CADPS: variants seen among roughly 807,000 people sequenced by gnomAD.
CADPS encodes calcium-dependent secretion activator 1.
In CADPS, 57 loss-of-function variants were observed where a neutral mutation model predicts 167.3. That is an observed-to-expected ratio of 0.34 (90% confidence interval 0.28 to 0.42). CADPS has a LOEUF of 0.42. Ranked by LOEUF, CADPS falls within the 20% of genes least tolerant of loss-of-function variation. The pLI is 1.00. For missense variants in CADPS, 1,414 were observed against 1,738.1 expected (o/e 0.81, Z 3.32); for synonymous variants, 676 against 635.3 (o/e 1.06, Z -0.96).
intron 3 of CADPS, among the ~76,000 whole-genome samples, chr3:62,712,834 T>C (rs1369084880): frequency 6.6e-6 from 1 of 152,218 alleles, no homozygotes; most frequent in African/African-American, 2.4e-5. Context: ...TCATAAATTG[T>C]GCTCTAGGGC....
At chr3:62,716,428 A>G (rs532462451) in intron 3 of CADPS, among the ~76,000 whole-genome samples, 1 of 152,346 alleles carries the variant, frequency 6.6e-6, no homozygotes, top group Admixed American at 6.5e-5. Context: ...TAGGGTTCAG[A>G]CCTAAATGAT....
intron 24 of CADPS, chr3:62,469,636 T>TAA (rs2060347091): frequency 6.4e-6 from 1 of 155,806 alleles, no homozygotes; most frequent in East Asian, 1.9e-4. Flanking sequence ...GCCTCCCGAG[T>TAA]AGCTAGGACT....
chr3:62,787,706 G>C (rs1000836022), intron 1 of CADPS, among the ~76,000 whole-genome samples: 11 of 152,194 alleles, frequency 7.2e-5, no homozygotes, highest in African/African-American at 2.7e-4. Context: ...GCTTAAGTTT[G>C]AATTTTGAAT....
chr3:62,639,902 G>A (rs1485699572), intron 6 of CADPS, among the ~76,000 whole-genome samples: 6 of 152,050 alleles, frequency 3.9e-5, no homozygotes, highest in Non-Finnish European at 5.9e-5. Context: ...CCTTGCACTT[G>A]CTGTTTCCTC....
At chr3:62,801,238 A>G (rs532606956) in intron 1 of CADPS, among the ~76,000 whole-genome samples, 2 of 152,214 alleles carry the variant, frequency 1.3e-5, no homozygotes, top group Non-Finnish European at 2.9e-5. Flanking sequence ...CATAAATGCC[A>G]TTGATGCAAG....
At chr3:62,628,249 G>A (rs566848556) in intron 6 of CADPS, among the ~76,000 whole-genome samples, 1 of 152,252 alleles carries the variant, frequency 6.6e-6, no homozygotes, top group South Asian at 2.1e-4. Context: ...ACTGGCTGGG[G>A]GCCTTGACAC....
chr3:62,684,966 A>G (rs2077741337), intron 3 of CADPS, among the ~76,000 whole-genome samples: 1 of 152,102 alleles, frequency 6.6e-6, no homozygotes, highest in African/African-American at 2.4e-5. Flanking sequence ...ATGGCAGGTT[A>G]AGATTATGCA....
chr3:62,521,190 G>A (rs149754678), intron 13 of CADPS, among the ~76,000 whole-genome samples: 8 of 152,202 alleles, frequency 5.3e-5, no homozygotes, highest in South Asian at 4.1e-4. Flanking sequence ...CTGCTGGTTC[G>A]AGGACCACAC....
rs55665003 is a variant in CADPS, at chr3:62,648,691, C to CAA, written c.1203+2154_1203+2155dup. The stretch of plus-strand genomic sequence containing the variant: ...TGGGCAACAGAGTGAGACGTTGTGT[C>CAA]AAAAAAAAAAAAAAGAGGAAAGAAA... On this transcript the variant is annotated intron_variant, in intron 5 of 29. Transcript: ENST00000383710. Among the ~76,000 whole-genome samples the CAA allele has an allele frequency of 3.7e-4, 20 of 54,552 alleles. 5 individuals are homozygous for CAA. The highest frequency in any genetic ancestry group is 6.8e-4 in the South Asian group (1 of 1,470). The allele number at this position is 54,552 out of a possible 152,430, so 35.8% of individuals were successfully genotyped here. A position where few individuals can be genotyped will look rare whatever the true frequency, so the allele number is the denominator to read the frequency against.
At position 62,474,260 on chromosome 3, in the gene CADPS, G is replaced by A. The variant is rs754709322; in HGVS notation, c.3390C>T (p.Val1130=). The A allele has an allele frequency of 9.3e-6, 15 of 1,608,324 alleles. No individual in the cohort carries two copies. The highest frequency in any genetic ancestry group is 1.4e-5 in the African/African-American group (1 of 73,300). ...QKTSRSTDFR[V]PQSICTMFNV... is the part of the protein sequence containing the mutation. Reference sequence around the variant, plus strand: ...TAAACATGGTGCATATTGACTGTGGGACTCGAAAATCTGTTGATCGACTGG... The same window carrying A: ...TAAACATGGTGCATATTGACTGTGGAACTCGAAAATCTGTTGATCGACTGG... The change falls in exon 24 of 30, where the codon GTC becomes GTT. Residue 1130 remains valine (V), a synonymous_variant. Coordinates refer to ENST00000383710, the MANE Select transcript of CADPS (RefSeq NM_003716.4).
chr3:62,540,831 C>A (rs2075568125), intron 11 of CADPS, among the ~76,000 whole-genome samples: 6 of 152,102 alleles, frequency 3.9e-5, no homozygotes, highest in Admixed American at 3.3e-4. Context: ...ATGCTCCTTG[C>A]AACTCCATTT....
intron 1 of CADPS, among the ~76,000 whole-genome samples, chr3:62,850,809 G>T (rs184671401): frequency 0.19 from 29,196 of 150,256 alleles, 3,158 homozygotes; most frequent in Middle Eastern, 0.35. Flanking sequence ...GCAGAGCTGA[G>T]TTCAATTCCT....
chr3:62,777,805 C>T (rs1010315945), intron 1 of CADPS, among the ~76,000 whole-genome samples: 1 of 152,118 alleles, frequency 6.6e-6, no homozygotes, highest in Non-Finnish European at 1.5e-5. Context: ...ATGATGCAGG[C>T]CTAAGCATGC....
intron 3 of CADPS, among the ~76,000 whole-genome samples, chr3:62,746,022 A>T (rs1026010643): frequency 1.3e-5 from 2 of 152,222 alleles, no homozygotes; most frequent in African/African-American, 4.8e-5. Flanking sequence ...CATTTTAGGC[A>T]GAATGGTAAG....
chr3:62,488,716 C>T (rs1449466103), intron 21 of CADPS, among the ~76,000 whole-genome samples: 2 of 152,054 alleles, frequency 1.3e-5, no homozygotes, highest in Non-Finnish European at 2.9e-5. Flanking sequence ...TCTTGAACTC[C>T]TGGCCTCAGG....
At chr3:62,731,819 A>T (rs1162794206) in intron 3 of CADPS, among the ~76,000 whole-genome samples, 1 of 87,710 alleles carries the variant, frequency 1.1e-5, no homozygotes, top group African/African-American at 8.2e-5. Context: ...AAAAAAAAAA[A>T]AAAAAAAAAA....
chr3:62,785,455 TTTG>T (rs2092327268), intron 1 of CADPS, among the ~76,000 whole-genome samples: 3 of 152,276 alleles, frequency 2.0e-5, no homozygotes, highest in South Asian at 4.1e-4. Context: ...ATCCATCGTT[TTTG>T]TTGTTGTTGT....
rs930670072 is a variant in CADPS at position 62,601,232 on chromosome 3, C to T, written c.1326-8484G>A. Among the ~76,000 whole-genome samples, 13 of 152,194 alleles carry T rather than the reference C, an allele frequency of 8.5e-5. No homozygotes were observed. Among genetic ancestry groups the T allele is most frequent in the East Asian group, 3.9e-4 (2 of 5,168 alleles). ...CAACACATGAATATTATATGAAATT[C>T]AAATTTTGATGCCCATCAATAACGT... On this transcript the variant is annotated intron_variant, in intron 6 of 29. Transcript: ENST00000383710. This position sits in a 1 kb window ranked among gnomAD's most constrained non-coding sequence, Gnocchi z 4.3.
chr3:62,431,131 C>G (rs917990747), intron 28 of CADPS, among the ~76,000 whole-genome samples: 2 of 152,218 alleles, frequency 1.3e-5, no homozygotes, highest in African/African-American at 4.8e-5. Flanking sequence ...ATTTGGAGGG[C>G]TTAATTTCAG....
Sources: gnomAD v4.1 joint callset for allele counts (sites outside exome capture counted in the v4.1 genomes callset) on GRCh38, gnomAD v4.1.1 for gene constraint, Gnocchi (gnomAD v3.1) non-coding constraint, MANE v1.5 for transcripts, NCBI Gene and HGNC (gene_info 2026-07-23, HGNC 2026-07-21) for gene names.